Variants in KCNH5 observed in about 807,000 individuals in gnomAD.
KCNH5 encodes voltage-gated delayed rectifier potassium channel KCNH5.
In KCNH5, 46 loss-of-function variants were observed where a neutral mutation model predicts 96.1. That is an observed-to-expected ratio of 0.48 (90% CI 0.38 to 0.61). The LOEUF (loss-of-function observed/expected upper bound fraction) is 0.61, where lower values mean the gene tolerates loss of function less well. Ranked by LOEUF, KCNH5 falls within the 20% of genes least tolerant of loss-of-function variation. KCNH5 has a pLI of 0.00. For missense variants in KCNH5, 907 were observed against 1,225.8 expected, an observed-to-expected ratio of 0.74 and a Z score of 3.88; for synonymous variants, 439 against 449.8, an observed-to-expected ratio of 0.98 and a Z score of 0.30.
chr14:62,832,657 T>C (rs1887379432), intron 8 of KCNH5, among the ~76,000 whole-genome samples: 1 of 152,182 alleles, frequency 6.6e-6, no homozygotes, highest in South Asian at 2.1e-4. Context: ...TGGTTCTATA[T>C]TTTAATTTTT....
intron 7 of KCNH5, among the ~76,000 whole-genome samples, chr14:62,858,412 C>A (rs1008940140): frequency 2.0e-5 from 3 of 152,174 alleles, no homozygotes; most frequent in Non-Finnish European, 4.4e-5. Context: ...CCTAATGGAT[C>A]TCCTGTATTC....
intron 7 of KCNH5, among the ~76,000 whole-genome samples, chr14:62,919,157 C>A (rs753379538): frequency 6.6e-6 from 1 of 151,966 alleles, no homozygotes; most frequent in Non-Finnish European, 1.5e-5. Context: ...ATACATGTGC[C>A]TAGAGAAATA....
chr14:62,874,131 C>T (rs956592013), intron 7 of KCNH5, among the ~76,000 whole-genome samples: 4 of 152,024 alleles, frequency 2.6e-5, no homozygotes, highest in East Asian at 3.9e-4. Flanking sequence ...GAGGTTTTTG[C>T]GGGACACTTT....
chr14:62,851,306 A>G (rs1370243913), intron 7 of KCNH5, among the ~76,000 whole-genome samples: 4 of 152,118 alleles, frequency 2.6e-5, no homozygotes, highest in African/African-American at 9.7e-5. Context: ...CAAAAAAATT[A>G]TCATTTTGTC....
intron 6 of KCNH5, among the ~76,000 whole-genome samples, chr14:62,971,748 A>G (rs924089050): frequency 6.6e-6 from 1 of 152,154 alleles, no homozygotes; most frequent in African/African-American, 2.4e-5. Flanking sequence ...AGGCAATGCA[A>G]TGGAACAAAC....
At chr14:62,913,870 A>G (rs1224202686) in intron 7 of KCNH5, among the ~76,000 whole-genome samples, 3 of 152,180 alleles carry the variant, frequency 2.0e-5, no homozygotes, top group African/African-American at 4.8e-5. Context: ...ATCCCACAGT[A>G]TAATCTTGAA....
intron 10 of KCNH5, among the ~76,000 whole-genome samples, chr14:62,742,530 T>C (rs994638587): frequency 6.6e-6 from 1 of 152,194 alleles, no homozygotes; most frequent in Non-Finnish European, 1.5e-5. Flanking sequence ...CCCAAACTAA[T>C]TTAAATTAGA....
At chr14:62,745,780 A>C (rs1885363542) in intron 10 of KCNH5, among the ~76,000 whole-genome samples, 1 of 152,320 alleles carries the variant, frequency 6.6e-6, no homozygotes, top group Admixed American at 6.5e-5. Flanking sequence ...CTGCATGGTA[A>C]GTTTGCCTAA....
intron 7 of KCNH5, among the ~76,000 whole-genome samples, chr14:62,857,359 T>C (rs1013924922): frequency 5.9e-5 from 9 of 152,192 alleles, no homozygotes; most frequent in African/African-American, 1.9e-4. Flanking sequence ...GATGGCTTGA[T>C]CTCCACTTTA....
chr14:62,813,483 T>C (rs1290616879), intron 8 of KCNH5, among the ~76,000 whole-genome samples: 1 of 152,204 alleles, frequency 6.6e-6, no homozygotes, highest in Admixed American at 6.5e-5. Context: ...GGTCTTTTAC[T>C]GCTCTAAGTT....
intron 7 of KCNH5, among the ~76,000 whole-genome samples, chr14:62,868,495 T>A (rs1485925092): frequency 6.6e-6 from 1 of 152,246 alleles, no homozygotes; most frequent in Non-Finnish European, 1.5e-5. Context: ...TTCTTTATGG[T>A]CTCATGATCA....
intron 10 of KCNH5, chr14:62,712,759 TG>T (rs1339250943): frequency 1.3e-6 from 1 of 765,960 alleles, no homozygotes; most frequent in Admixed American, 1.8e-5. Flanking sequence ...GTATACTTGC[TG>T]GGAAAGCGGT....
intron 7 of KCNH5, among the ~76,000 whole-genome samples, chr14:62,866,835 T>C (rs895259267): frequency 6.6e-6 from 1 of 152,128 alleles, no homozygotes; most frequent in Non-Finnish European, 1.5e-5. Context: ...ACTGCCCTGG[T>C]CTAGGTACTC....
intron 10 of KCNH5, among the ~76,000 whole-genome samples, chr14:62,740,298 T>G (rs998121553): frequency 1.3e-5 from 2 of 152,204 alleles, no homozygotes; most frequent in African/African-American, 2.4e-5. Flanking sequence ...ATCTTTTCGG[T>G]GTCCATCTTT....
chr14:62,757,867 C>A (rs117607952), intron 10 of KCNH5, among the ~76,000 whole-genome samples: 4,450 of 152,056 alleles, frequency 0.029, 102 homozygotes, highest in Non-Finnish European at 0.044. Context: ...TAGTTACAGC[C>A]GAGGGTGGTG....
intron 10 of KCNH5, among the ~76,000 whole-genome samples, chr14:62,729,003 G>A (rs8012960): frequency 0.95 from 144,083 of 152,284 alleles, 68,618 homozygotes; most frequent in East Asian, 1. Flanking sequence ...CTAGAAAGAT[G>A]ATTTTTAATT....
chr14:62,881,846 C>T (rs565256185), intron 7 of KCNH5, among the ~76,000 whole-genome samples: 1 of 152,228 alleles, frequency 6.6e-6, no homozygotes, highest in East Asian at 1.9e-4. Context: ...TCTCTACCTT[C>T]AAAGCCCTAG....
At chr14:62,900,995 T>G (rs1888914216) in intron 7 of KCNH5, among the ~76,000 whole-genome samples, 1 of 152,112 alleles carries the variant, frequency 6.6e-6, no homozygotes, top group South Asian at 2.1e-4. Context: ...TGTTTTGTTT[T>G]GTTTTGTTTT....
chr14:63,014,716 A>G (rs1891291565), intron 2 of KCNH5, among the ~76,000 whole-genome samples: 1 of 152,168 alleles, frequency 6.6e-6, no homozygotes, highest in African/African-American at 2.4e-5. Context: ...TGATGATGCC[A>G]ACAGAAATAT....
Sources: allele counts gnomAD v4.1 joint callset (sites outside exome capture counted in the v4.1 genomes callset), GRCh38; gene constraint gnomAD v4.1.1; transcripts MANE v1.5; gene names NCBI Gene and HGNC (gene_info 2026-07-23, HGNC 2026-07-21).